CNTN4: variants seen among roughly 807,000 people sequenced by gnomAD.
The protein encoded by CNTN4 is contactin-4.
Under a neutral mutation model 122.5 loss-of-function variants are expected in CNTN4, and 77 were observed. The observed-to-expected ratio is 0.63, with a 90% CI of 0.52 to 0.76. CNTN4 has a LOEUF of 0.76. Among genes scored for constraint, CNTN4 ranks in the 30% least tolerant of loss-of-function variants. The pLI is 0.00. For synonymous variants in CNTN4, 512 were observed against 447.0 expected (o/e 1.15, Z -1.83); for missense variants, 1,256 against 1,259.1 (o/e 1.00, Z 0.04).
At position 2,878,962 on chromosome 3, in the gene CNTN4, T is replaced by A. The variant is rs577295322; in HGVS notation, c.653-4183T>A. Among the ~76,000 whole-genome samples, 22 of 152,290 alleles carry A rather than the reference T, an allele frequency of 1.4e-4. No homozygotes were observed. In the South Asian group the frequency reaches 3.9e-3, roughly 27 times the overall value. On this transcript the variant is annotated intron_variant, in intron 8 of 24. Transcript: ENST00000418658. ...AAGTAAATGGTCATGGAAGCATTAT[T>A]GGTAATAGCTAAAAGTGGAAGCCAC...
intron 4 of CNTN4, among the ~76,000 whole-genome samples, chr3:2,671,884 G>A (rs554462509): frequency 2.0e-5 from 3 of 152,278 alleles, no homozygotes; most frequent in South Asian, 4.1e-4. Flanking sequence ...GTTTGCCTGG[G>A]TATCAGCAGC....
intron 4 of CNTN4, among the ~76,000 whole-genome samples, chr3:2,593,054 A>G (rs1227803998): frequency 6.6e-6 from 1 of 152,236 alleles, no homozygotes; most frequent in Non-Finnish European, 1.5e-5. Flanking sequence ...TTGAGAATAC[A>G]TAACACCCAC....
At chr3:2,889,172 A>G (rs370534283) in intron 10 of CNTN4, among the ~76,000 whole-genome samples, 2 of 152,196 alleles carry the variant, frequency 1.3e-5, no homozygotes, top group Admixed American at 6.6e-5. Context: ...CCAGCCTTCA[A>G]TGACCTCCCC....
At chr3:2,993,121 G>A (rs1695200411) in intron 14 of CNTN4, among the ~76,000 whole-genome samples, 1 of 152,016 alleles carries the variant, frequency 6.6e-6, no homozygotes, top group Admixed American at 6.6e-5. Context: ...TTAGCTGGTT[G>A]AGAAAAAAAC....
chr3:2,904,310 A>G (rs2094206256), intron 12 of CNTN4, among the ~76,000 whole-genome samples: 1 of 152,030 alleles, frequency 6.6e-6, no homozygotes, highest in South Asian at 2.1e-4. Context: ...AAAAACATTC[A>G]TTGGTGCCTA....
At chr3:2,266,956 G>C (rs1481582238) in intron 2 of CNTN4, among the ~76,000 whole-genome samples, 1 of 152,010 alleles carries the variant, frequency 6.6e-6, no homozygotes, top group East Asian at 1.9e-4. Context: ...ACATTACTGT[G>C]ATTCAGCTTA....
intron 14 of CNTN4, among the ~76,000 whole-genome samples, chr3:3,011,195 C>T (rs1697197308): frequency 6.6e-6 from 1 of 152,158 alleles, no homozygotes; most frequent in South Asian, 2.1e-4. Flanking sequence ...TTCTTTAAAG[C>T]CAGATACTTC....
chr3:2,926,165 T>C (rs1021072861), intron 13 of CNTN4, among the ~76,000 whole-genome samples: 5 of 152,208 alleles, frequency 3.3e-5, no homozygotes, highest in African/African-American at 1.2e-4. Context: ...AACCCTTCAA[T>C]TATTTGGCAG....
chr3:2,338,436 A>G (rs955963965), intron 2 of CNTN4, among the ~76,000 whole-genome samples: 1 of 151,978 alleles, frequency 6.6e-6, no homozygotes, highest in African/African-American at 2.4e-5. Context: ...TAGCTAATCT[A>G]TATTATATAT....
chr3:3,033,327 C>T (rs1331488403), intron 16 of CNTN4, among the ~76,000 whole-genome samples: 1 of 152,112 alleles, frequency 6.6e-6, no homozygotes, highest in Non-Finnish European at 1.5e-5. Context: ...TACAGATTTC[C>T]AGACATTTCA....
chr3:2,846,974 C>G (rs891338920), intron 7 of CNTN4, among the ~76,000 whole-genome samples: 3 of 152,052 alleles, frequency 2.0e-5, no homozygotes, highest in African/African-American at 7.3e-5. Context: ...GCCTGGGGAA[C>G]AAGAGTGAAA....
At chr3:2,318,185 T>C (rs2043173285) in intron 2 of CNTN4, among the ~76,000 whole-genome samples, 1 of 149,772 alleles carries the variant, frequency 6.7e-6, no homozygotes, top group South Asian at 2.1e-4. Flanking sequence ...GAATAACTTC[T>C]CTAGCCTGGG....
chr3:2,558,506 G>A (rs1377152125), intron 3 of CNTN4, among the ~76,000 whole-genome samples: 1 of 151,750 alleles, frequency 6.6e-6, no homozygotes, highest in Non-Finnish European at 1.5e-5. Context: ...TGCATTGTTG[G>A]CAAAATACCA....
intron 2 of CNTN4, among the ~76,000 whole-genome samples, chr3:2,145,832 G>T (rs1305967868): frequency 6.6e-6 from 1 of 151,844 alleles, no homozygotes; most frequent in East Asian, 1.9e-4. Flanking sequence ...CTTTTAATAT[G>T]AGAATATTTG....
chr3:2,740,428 C>T (rs1302379852), intron 5 of CNTN4, among the ~76,000 whole-genome samples: 2 of 152,070 alleles, frequency 1.3e-5, no homozygotes, highest in East Asian at 3.9e-4. Flanking sequence ...CTCTGAACTC[C>T]TTCAAATGAT....
chr3:2,894,389 C>G (rs1011365036), intron 10 of CNTN4, among the ~76,000 whole-genome samples: 1 of 152,170 alleles, frequency 6.6e-6, no homozygotes, highest in Non-Finnish European at 1.5e-5. Context: ...TTGAGAGGCT[C>G]TGGACAGAGA....
In CNTN4 at chr3:2,531,285, T is replaced by A. The variant is rs137960654; in HGVS notation, c.-88-40131T>A. ...CATGGGCCACTTGGAGCCAAAAACA[T>A]CAAGGGAAAGGAAGGAGCTTGGGCG... is the stretch of plus-strand genomic sequence containing the variant. On this transcript the variant is annotated intron_variant, in intron 3 of 24. Transcript: ENST00000418658. Among the ~76,000 whole-genome samples, 105 of 152,176 alleles carry A rather than the reference T, an allele frequency of 6.9e-4. 2 individuals are homozygous for A. In the East Asian group the frequency reaches 0.018, roughly 26 times the overall value.
chr3:2,177,008 ATCAC>A (rs2036776294), intron 2 of CNTN4, among the ~76,000 whole-genome samples: 1 of 152,180 alleles, frequency 6.6e-6, no homozygotes, highest in South Asian at 2.1e-4. Context: ...AGGTAAAAAA[ATCAC>A]TCAAGAGTCA....
chr3:2,337,453 T>G (rs968105390), intron 2 of CNTN4, among the ~76,000 whole-genome samples: 1 of 152,136 alleles, frequency 6.6e-6, no homozygotes, highest in Non-Finnish European at 1.5e-5. Context: ...GTGGCTAAAC[T>G]GAATAGCTAG....
Sources: gnomAD v4.1 joint callset for allele counts (sites outside exome capture counted in the v4.1 genomes callset) on GRCh38, gnomAD v4.1.1 for gene constraint, MANE v1.5 for transcripts, NCBI Gene and HGNC (gene_info 2026-07-23, HGNC 2026-07-21) for gene names.